Variants in UNC13B observed in about 807,000 individuals in gnomAD.
UNC13B encodes the protein protein unc-13 homolog B.
UNC13B carries 144 observed loss-of-function variants against 211.0 expected under a neutral mutation model. That is an observed-to-expected ratio of 0.68 (90% CI 0.60 to 0.78). UNC13B has a LOEUF of 0.78. Among genes scored for constraint, UNC13B ranks in the 30% least tolerant of loss-of-function variants. UNC13B has a pLI of 0.00. For synonymous variants in UNC13B, 709 were observed against 725.8 expected, an observed-to-expected ratio of 0.98 and a Z score of 0.37; for missense variants, 1,777 against 2,002.0, an observed-to-expected ratio of 0.89 and a Z score of 2.14.
At chr9:35,167,428 C>T (rs2131242268) in intron 1 of UNC13B, among the ~76,000 whole-genome samples, 1 of 152,126 alleles carries the variant, frequency 6.6e-6, no homozygotes, top group East Asian at 1.9e-4. Flanking sequence ...CCCAGGGTAG[C>T]CAAAAGGTTG....
intron 1 of UNC13B, among the ~76,000 whole-genome samples, chr9:35,209,418 C>T (rs1823844828): frequency 6.6e-6 from 1 of 151,866 alleles, no homozygotes; most frequent in Admixed American, 6.6e-5. Flanking sequence ...TGCTCTGTCA[C>T]CCAGGCTGAA....
At chr9:35,248,015 A>G (rs1404001874) in intron 6 of UNC13B, among the ~76,000 whole-genome samples, 2 of 152,176 alleles carry the variant, frequency 1.3e-5, no homozygotes, top group Admixed American at 6.5e-5. Context: ...GCTATTAATT[A>G]TTGCCTCAAT....
At chr9:35,284,179 T>A (rs1031326469) in intron 7 of UNC13B, among the ~76,000 whole-genome samples, 5 of 152,078 alleles carry the variant, frequency 3.3e-5, no homozygotes, top group Admixed American at 3.3e-4. Context: ...GGCAGGAGAA[T>A]TGCCTGAACC....
At chr9:35,251,454 G>C (rs1826483808) in intron 6 of UNC13B, among the ~76,000 whole-genome samples, 1 of 152,072 alleles carries the variant, frequency 6.6e-6, no homozygotes, top group Non-Finnish European at 1.5e-5. Flanking sequence ...TGGCGTGGTG[G>C]TGGGAACCTG....
At chr9:35,297,545 G>GTTTTTT (rs1344936605) in intron 8 of UNC13B, among the ~76,000 whole-genome samples, 1 of 107,142 alleles carries the variant, frequency 9.3e-6, no homozygotes, top group African/African-American at 4.0e-5. Flanking sequence ...CACATACTTT[G>GTTTTTT]TCTTTTTTTT....
intron 1 of UNC13B, among the ~76,000 whole-genome samples, chr9:35,200,960 T>C (rs1470264762): frequency 1.3e-5 from 2 of 152,210 alleles, no homozygotes; most frequent in Non-Finnish European, 2.9e-5. Flanking sequence ...CAGTATGATA[T>C]TGGCTGTGGG....
intron 1 of UNC13B, among the ~76,000 whole-genome samples, chr9:35,226,290 T>C (rs1251279638): frequency 6.6e-6 from 1 of 152,092 alleles, no homozygotes; most frequent in Admixed American, 6.5e-5. Context: ...GATTGCAAGG[T>C]TCCCCCTGCC....
chr9:35,364,421 C>T lies in UNC13B; in HGVS notation c.9415-2526C>T, dbSNP rs182426062. 1.2e-3 allele frequency: 1,243 copies of T among 1,040,880 alleles called. 1 individual carries two copies. Among genetic ancestry groups the T allele is most frequent in the Middle Eastern group, 1.8e-3 (9 of 4,880 alleles). The allele number at this position is 1,040,880 out of a possible 1,614,324, so 64.5% of individuals were successfully genotyped here. On this transcript the variant is annotated intron_variant, in intron 11 of 39. Coordinates refer to ENST00000635942, the MANE Select transcript of UNC13B (RefSeq NM_001371189.2). ...GGCTCTATGAACTGCCTAGTTGTCC[C>T]GAGGACCTCTCCCTCTCTTCCATGT... is the stretch of plus-strand genomic sequence containing the variant.
intron 24 of UNC13B, among the ~76,000 whole-genome samples, chr9:35,386,623 A>G (rs1835210693): frequency 6.6e-6 from 1 of 152,144 alleles, no homozygotes; most frequent in African/African-American, 2.4e-5. Context: ...GTTTAACTTT[A>G]TTCTGACTCT....
chr9:35,308,468 G>A, intron 9 of UNC13B, 56 bp downstream of exon 9: 1 of 398,274 alleles, frequency 2.5e-6, no homozygotes, highest in Non-Finnish European at 4.4e-6. Flanking sequence ...CATTTATGAT[G>A]CAAGTGACTT....
At chr9:35,358,375 C>G (rs1456176878) in intron 11 of UNC13B, among the ~76,000 whole-genome samples, 1 of 152,180 alleles carries the variant, frequency 6.6e-6, no homozygotes, top group East Asian at 1.9e-4. Context: ...AATCACCATA[C>G]CATTTTCCAT....
chr9:35,374,513 C>CTTT (rs1326767777), intron 13 of UNC13B, among the ~76,000 whole-genome samples: 2 of 148,674 alleles, frequency 1.3e-5, no homozygotes, highest in Non-Finnish European at 3.0e-5. Context: ...CATGGGGCCC[C>CTTT]CTATGCAAGA....
In UNC13B at chr9:35,196,397, G is replaced by A. The variant is rs539769542; in HGVS notation, c.23-31618G>A. Among the ~76,000 whole-genome samples the A allele has an allele frequency of 3.2e-4, 49 of 152,340 alleles. 1 individual carries two copies. The highest frequency in any genetic ancestry group is 1.1e-3 in the African/African-American group (45 of 41,586). On this transcript the variant is annotated intron_variant, in intron 1 of 39. Transcript: ENST00000635942. ...AGGTCACTGGCTGCAGAGTCAGTGT[G>A]AATAGGATTATTTCCCATAATCCCT...
In UNC13B at chr9:35,196,659, T is replaced by C. The variant is rs537829770; in HGVS notation, c.23-31356T>C. ...GTAATGAATATTTCTTTTCCACACA[T>C]CTTTTCTGTTTTTACATATTGTAGT... On this transcript the variant is annotated intron_variant, in intron 1 of 39. Transcript: ENST00000635942. 1.6e-3 allele frequency among the ~76,000 whole-genome samples: 249 copies of C among 152,364 alleles called. 2 individuals carry two copies. Among genetic ancestry groups the C allele is most frequent in the African/African-American group, 5.7e-3 (235 of 41,590 alleles).
In UNC13B at chr9:35,305,272, CTT is replaced by C. The variant is rs1829867963; in HGVS notation, c.5869_5870del (p.Leu1957ArgfsTer5). 4 of 398,924 alleles carry C rather than the reference CTT, an allele frequency of 1.0e-5. No individual in the cohort carries two copies. The East Asian group carries it at 1.4e-4, about 14-fold the overall frequency. 24.7% of individuals were successfully genotyped at this position (398,924 alleles called of 1,614,324 possible). On this transcript the variant is annotated frameshift_variant, in exon 9 of 40. Transcript: ENST00000635942. LOFTEE classifies it high-confidence loss of function. ...AGGTGAATAAAGAAGGATCACCAAA[CTT>C]AGAAAAGATTGGTGATACAAATGTC... is the stretch of plus-strand genomic sequence containing the variant. ...TQVNKEGSPNLEKIGDTNVKI... is the reference protein window; with the variant it reads ...TQVNKEGSPNXEKIGDTNVKI...
At chr9:35,314,236 TACTGTTC>T (rs1830332713) in intron 11 of UNC13B, among the ~76,000 whole-genome samples, 1 of 152,174 alleles carries the variant, frequency 6.6e-6, no homozygotes, top group Admixed American at 6.5e-5. Context: ...TATTTTCAAG[TACTGTTC>T]ATTGTCTCTT....
At chr9:35,378,672 A>G (rs1032986792) in intron 17 of UNC13B, among the ~76,000 whole-genome samples, 1 of 152,150 alleles carries the variant, frequency 6.6e-6, no homozygotes, top group Non-Finnish European at 1.5e-5. Flanking sequence ...AAGGGGCCCT[A>G]GGGCACCCCA....
intron 1 of UNC13B, among the ~76,000 whole-genome samples, chr9:35,207,069 A>C (rs1823696891): frequency 6.6e-6 from 1 of 152,132 alleles, no homozygotes; most frequent in Admixed American, 6.5e-5. Context: ...AAGTGGCTGT[A>C]TCATTGTGGA....
At position 35,398,231 on chromosome 9, in the gene UNC13B, C is replaced by T. The variant is rs142701754; in HGVS notation, c.11775C>T (p.Asn3925=). 176 of 1,613,868 alleles carry T rather than the reference C, an allele frequency of 1.1e-4. No homozygotes were observed. In the African/African-American group the frequency reaches 1.8e-3, roughly 16 times the overall value. Residue 3925 remains asparagine (N), a synonymous_variant, in exon 31 of 40, where the codon AAC becomes AAT. Coordinates refer to ENST00000635942, the MANE Select transcript of UNC13B (RefSeq NM_001371189.2). ...CAAAGCCCTGCATCCTGATGAACAACGTGCAGCAACTGAGGGTCCAGCTGG... is the reference window on the plus strand; with the variant it reads ...CAAAGCCCTGCATCCTGATGAACAATGTGCAGCAACTGAGGGTCCAGCTGG... The part of the protein sequence containing the change: ...KEKLPCILMN[N]VQQLRVQLEK...
Sources: gnomAD v4.1 joint callset for allele counts (sites outside exome capture counted in the v4.1 genomes callset) on GRCh38, gnomAD v4.1.1 for gene constraint, MANE v1.5 for transcripts, NCBI Gene and HGNC (gene_info 2026-07-23, HGNC 2026-07-21) for gene names.